MSRA: variants seen among roughly 807,000 people sequenced by gnomAD.
The protein encoded by MSRA is methionine sulfoxide reductase A.
MSRA carries 54 observed loss-of-function variants against 31.3 expected under a neutral mutation model. That is an observed-to-expected ratio of 1.73 (90% CI 1.39 to 2.17). The LOEUF (loss-of-function observed/expected upper bound fraction) is 2.17. MSRA is among the 30% of genes most tolerant of loss of function. The pLI, the probability that MSRA is intolerant of heterozygous loss-of-function variation, is 0.00. For synonymous variants in MSRA, 169 were observed against 116.5 expected (o/e 1.45, Z -2.90); for missense variants, 507 against 300.9 (o/e 1.69, Z -5.07).
At chr8:10,354,558 A>G (rs1585564731) in intron 5 of MSRA, among the ~76,000 whole-genome samples, 1 of 152,168 alleles carries the variant, frequency 6.6e-6, no homozygotes. Context: ...TCCTTTCTCT[A>G]TGGGAATAAA....
chr8:10,094,184 G>A (rs990415252), intron 1 of MSRA, among the ~76,000 whole-genome samples: 6 of 152,176 alleles, frequency 3.9e-5, no homozygotes, highest in Non-Finnish European at 5.9e-5. Flanking sequence ...TATCTCTGTA[G>A]CATTTTATTG....
intron 3 of MSRA, among the ~76,000 whole-genome samples, chr8:10,254,075 C>T (rs949330295): frequency 9.2e-5 from 14 of 152,048 alleles, no homozygotes; most frequent in Admixed American, 3.9e-4. Context: ...TACAAACCAC[C>T]GAGGCCCCTC....
intron 3 of MSRA, among the ~76,000 whole-genome samples, chr8:10,248,751 C>G (rs1377513021): frequency 1.3e-5 from 2 of 152,134 alleles, no homozygotes; most frequent in Non-Finnish European, 2.9e-5. Flanking sequence ...GGAGGTGTGC[C>G]CATCGTGGGC....
chr8:10,301,715 A>C, intron 4 of MSRA, 77 bp downstream of exon 4: 1 of 1,173,400 alleles, frequency 8.5e-7, no homozygotes, highest in Non-Finnish European at 1.2e-6. Context: ...GCTGCATGGA[A>C]GAGATGAACC....
chr8:10,337,876 A>G, intron 5 of MSRA: 2 of 696,344 alleles, frequency 2.9e-6, no homozygotes, highest in South Asian at 3.0e-5. Flanking sequence ...GGTCCTCACA[A>G]ATGCACACAT....
At chr8:10,128,898 C>T (rs907226506) in intron 1 of MSRA, among the ~76,000 whole-genome samples, 2 of 152,072 alleles carry the variant, frequency 1.3e-5, no homozygotes, top group Admixed American at 6.5e-5. Context: ...TGATTTTTTC[C>T]AGGAGAGGAG....
chr8:10,164,489 T>G (rs1408464388), intron 1 of MSRA, among the ~76,000 whole-genome samples: 1 of 152,210 alleles, frequency 6.6e-6, no homozygotes, highest in Non-Finnish European at 1.5e-5. Flanking sequence ...TTTTGACCCC[T>G]TCCTTCCTCT....
chr8:10,180,640 C>T (rs1199590927), intron 1 of MSRA, among the ~76,000 whole-genome samples: 1 of 152,172 alleles, frequency 6.6e-6, no homozygotes, highest in East Asian at 1.9e-4. Flanking sequence ...CCCCATCACT[C>T]AGAATACCAA....
intron 3 of MSRA, among the ~76,000 whole-genome samples, chr8:10,270,605 G>A (rs1009591700): frequency 1.3e-5 from 2 of 152,204 alleles, no homozygotes; most frequent in African/African-American, 2.4e-5. Context: ...CTGAAACCAC[G>A]TCAGAGCAGC....
intron 1 of MSRA, among the ~76,000 whole-genome samples, chr8:10,113,868 A>G (rs547200133): frequency 2.6e-5 from 4 of 152,292 alleles, no homozygotes; most frequent in East Asian, 3.9e-4. Flanking sequence ...GGTTATTAGT[A>G]TATTCACAAA....
chr8:10,268,253 T>G (rs1201613566), intron 3 of MSRA, among the ~76,000 whole-genome samples: 1 of 152,226 alleles, frequency 6.6e-6, no homozygotes, highest in Non-Finnish European at 1.5e-5. Context: ...TATTCACTTT[T>G]AAACAAAATG....
chr8:10,164,434 C>T (rs1804943535), intron 1 of MSRA, among the ~76,000 whole-genome samples: 1 of 152,086 alleles, frequency 6.6e-6, no homozygotes, highest in African/African-American at 2.4e-5. Flanking sequence ...AAGGAATGGC[C>T]CTCGTTAGCT....
intron 1 of MSRA, among the ~76,000 whole-genome samples, chr8:10,151,116 C>T (rs2129036639): frequency 6.6e-6 from 1 of 151,764 alleles, no homozygotes; most frequent in South Asian, 2.1e-4. Context: ...GGATCCATGC[C>T]TACTTGTGGA....
At chr8:10,232,223 G>T (rs946451684) in intron 2 of MSRA, among the ~76,000 whole-genome samples, 11 of 152,212 alleles carry the variant, frequency 7.2e-5, no homozygotes, top group Non-Finnish European at 4.4e-5. Context: ...GGAACATGCG[G>T]TAACTGCACA....
intron 3 of MSRA, among the ~76,000 whole-genome samples, chr8:10,283,160 A>ACACACTCTCTCTCTCTCTCTCTCTCTCT: frequency 5.7e-5 from 8 of 140,296 alleles, no homozygotes; most frequent in African/African-American, 2.2e-4. Context: ...ACACACACAC[A>ACACACTCTCTCTCTCTCTCTCTCTCTCT]CTCTCACCCT....
chr8:10,178,607 T>G lies in MSRA; in HGVS notation c.143-29226T>G, dbSNP rs547748279. Among the ~76,000 whole-genome samples the G allele has an allele frequency of 3.9e-5, 6 of 152,340 alleles. No individual in the cohort carries two copies. The South Asian group carries it at 1.2e-3, about 32-fold the overall frequency. On this transcript the variant is annotated intron_variant, in intron 1 of 5. Transcript: ENST00000317173. ...TGTGTAAGAAAAATGAAAATTCACC[T>G]TAGTGACTGAAAGCATAGATTGACT...
At chr8:10,371,746 A>T (rs1428096237) in intron 5 of MSRA, among the ~76,000 whole-genome samples, 1 of 152,080 alleles carries the variant, frequency 6.6e-6, no homozygotes. Context: ...CCTACCATGC[A>T]AGCATAACCA....
rs570867893 is a variant in MSRA at position 10,080,736 on chromosome 8, G to A, written c.142+26078G>A. 1.7e-3 allele frequency among the ~76,000 whole-genome samples: 252 copies of A among 147,526 alleles called. 1 individual carries two copies. The highest frequency in any genetic ancestry group is 6.1e-3 in the African/African-American group (240 of 39,542). On this transcript the variant is annotated intron_variant, in intron 1 of 5. Coordinates refer to ENST00000317173, the MANE Select transcript of MSRA (RefSeq NM_012331.5). ...TAATTTCTAGTAGAGATGAGGTCTC[G>A]CTATGTTGCCGAGGCTAGTCTTGAG...
chr8:10,114,538 T>C (rs7016690), intron 1 of MSRA, among the ~76,000 whole-genome samples: 88,877 of 152,026 alleles, frequency 0.58, 26,175 homozygotes, highest in Middle Eastern at 0.67. Flanking sequence ...GCCATGCTAA[T>C]GGGTGTGAAG....
Sources: allele counts gnomAD v4.1 joint callset (sites outside exome capture counted in the v4.1 genomes callset), GRCh38; gene constraint gnomAD v4.1.1; transcripts MANE v1.5; gene names NCBI Gene and HGNC (gene_info 2026-07-23, HGNC 2026-07-21).